The following DIP2C variants were observed in gnomAD, a reference collection of about 807,000 sequenced individuals.
DIP2C encodes disco-interacting protein 2 homolog C.
In DIP2C, 33 loss-of-function variants were observed where a neutral mutation model predicts 192.4. The observed-to-expected ratio is 0.17, with a 90% CI of 0.13 to 0.23. DIP2C has a LOEUF of 0.23. Ranked by LOEUF, DIP2C falls within the 10% of genes least tolerant of loss-of-function variation. DIP2C has a pLI of 1.00. For missense variants in DIP2C, 1,537 were observed against 2,110.1 expected (o/e 0.73, Z 5.32); for synonymous variants, 979 against 864.1 (o/e 1.13, Z -2.33).
chr10:579,118 G>A (rs549069200), intron 1 of DIP2C, among the ~76,000 whole-genome samples: 7 of 151,944 alleles, frequency 4.6e-5, no homozygotes, highest in African/African-American at 9.7e-5. Context: ...TAGGTACATA[G>A]GTACACTAAC....
intron 1 of DIP2C, among the ~76,000 whole-genome samples, chr10:610,153 A>C (rs771880037): frequency 3.3e-5 from 5 of 152,204 alleles, no homozygotes; most frequent in African/African-American, 1.2e-4. Flanking sequence ...CAGAGGAGAG[A>C]GCCCTGTCAT....
intron 11 of DIP2C, 53 bp from the exon 12 acceptor site, chr10:390,426 T>C: frequency 3.3e-6 from 5 of 1,538,236 alleles, no homozygotes; most frequent in Non-Finnish European, 4.5e-6. Flanking sequence ...AGTCGGTCTG[T>C]AGAATTTCTC....
chr10:568,784 A>AAAAAAACAAAC (rs1564208277), intron 1 of DIP2C, among the ~76,000 whole-genome samples: 5 of 145,518 alleles, frequency 3.4e-5, no homozygotes, highest in African/African-American at 1.0e-4. Context: ...AAAAAAAAAA[A>AAAAAAACAAAC]AAAAAAAAAA....
rs1411915536 is a variant in DIP2C at position 344,904 on chromosome 10, T to G, written c.3358A>C (p.Lys1120Gln). The G allele has an allele frequency of 6.2e-7, 1 of 1,607,316 alleles. No individual in the cohort carries two copies. Among genetic ancestry groups the G allele is most frequent in the East Asian group, 2.2e-5 (1 of 44,720 alleles). ...GGTTTGCAGATCTGGGCAGGCCGCT[T>G]CTTTGGCAAATCATCTGGAGAGGAA... ...LILDTDDLPK[K>Q]RPAQICKPCN... Residue 1120 changes from lysine (K) to glutamine (Q), a missense_variant, in exon 28 of 37, where the codon AAG becomes CAG. Physicochemically the swap from Lys to Gln is moderately conservative, Grantham distance 53. Around this residue, in one of 4 missense-constraint regions of DIP2C, gnomAD observed 46 missense variants for 28.9 expected, o/e 1.59. Coordinates refer to ENST00000280886, the MANE Select transcript of DIP2C (RefSeq NM_014974.3).
At chr10:388,840 C>T (rs1963205408) in intron 13 of DIP2C, among the ~76,000 whole-genome samples, 1 of 152,220 alleles carries the variant, frequency 6.6e-6, no homozygotes, top group Non-Finnish European at 1.5e-5. Context: ...GGGTGCACGC[C>T]GCAGCGGTGC....
intron 6 of DIP2C, among the ~76,000 whole-genome samples, chr10:417,667 AGGGCTCGG>A (rs1564684671): frequency 0.01 from 55 of 5,314 alleles, 2 homozygotes; most frequent in Admixed American, 0.046. Context: ...TGTTCCTGTC[AGGGCTCGG>A]ATAGGCCTCC....
At chr10:523,323 C>T (rs1203965410) in intron 1 of DIP2C, among the ~76,000 whole-genome samples, 6 of 150,448 alleles carry the variant, frequency 4.0e-5, no homozygotes, top group African/African-American at 9.9e-5. Context: ...CCCACACACT[C>T]GTTTCTACCG....
intron 8 of DIP2C, among the ~76,000 whole-genome samples, chr10:411,790 A>G (rs1197622756): frequency 6.6e-6 from 1 of 152,248 alleles, no homozygotes; most frequent in Admixed American, 6.5e-5. Flanking sequence ...TCATCGTAGC[A>G]ACACCCAGTC....
intron 14 of DIP2C, among the ~76,000 whole-genome samples, chr10:387,216 A>C (rs1485506831): frequency 6.6e-6 from 1 of 152,192 alleles, no homozygotes; most frequent in Non-Finnish European, 1.5e-5. Flanking sequence ...TGAGCCCTGG[A>C]AGGCTGTTTT....
At chr10:569,146 T>A (rs142534944) in intron 1 of DIP2C, among the ~76,000 whole-genome samples, 1 of 152,160 alleles carries the variant, frequency 6.6e-6, no homozygotes, top group South Asian at 2.1e-4. Context: ...ATTTTTACAC[T>A]TCAAAGTTTT....
Position 627,126 on chromosome 10 carries a change from G to A in DIP2C, c.85+62368C>T, listed in dbSNP as rs191060877. Among the ~76,000 whole-genome samples the A allele has an allele frequency of 1.7e-3, 260 of 152,330 alleles. 4 individuals carry two copies. Among genetic ancestry groups the A allele is most frequent in the Middle Eastern group, 3.4e-3 (1 of 294 alleles). Reference sequence around the variant, plus strand: ...TGGGGCTCAGAGATGGGTGGTCCCCGCACACGCAGTGGCTCTGTAACATCC... The same window carrying A: ...TGGGGCTCAGAGATGGGTGGTCCCCACACACGCAGTGGCTCTGTAACATCC... On this transcript the variant is annotated intron_variant, in intron 1 of 36. Transcript: ENST00000280886.
chr10:490,188 C>T (rs1334062350), intron 1 of DIP2C, among the ~76,000 whole-genome samples: 1 of 151,292 alleles, frequency 6.6e-6, no homozygotes, highest in African/African-American at 2.4e-5. Flanking sequence ...ACACCAGGGA[C>T]ACGGTGGCTC....
chr10:328,262 C>T lies in DIP2C; in HGVS notation c.3754-1086G>A, dbSNP rs993820385. On this transcript the variant is annotated intron_variant, in intron 30 of 36. Coordinates refer to ENST00000280886, the MANE Select transcript of DIP2C (RefSeq NM_014974.3). ...CAAATTACATATTCACACGCGCGCA[C>T]GTCTGAGAGGTAAAGCAGCATGCAG... is the stretch of plus-strand genomic sequence containing the variant. Among the ~76,000 whole-genome samples the T allele has an allele frequency of 4.6e-5, 7 of 152,156 alleles. No individual in the cohort carries two copies. In the South Asian group the frequency reaches 6.2e-4, roughly 13 times the overall value.
At chr10:508,762 C>T (rs961032646) in intron 1 of DIP2C, among the ~76,000 whole-genome samples, 9 of 152,160 alleles carry the variant, frequency 5.9e-5, no homozygotes, top group Non-Finnish European at 2.9e-5. Context: ...CACTTAAAGG[C>T]AACTGTACCG....
intron 1 of DIP2C, among the ~76,000 whole-genome samples, chr10:678,663 GTGCCCAGCTCCCCA>G (rs1564335075): frequency 0.021 from 230 of 10,912 alleles, 23 homozygotes; most frequent in Non-Finnish European, 0.036. Flanking sequence ...TGTCCTCCCT[GTGCCCAGCTCCCCA>G]CGCCCATGCT....
intron 1 of DIP2C, among the ~76,000 whole-genome samples, chr10:555,190 A>T (rs966250543): frequency 0.011 from 1,318 of 125,202 alleles, 5 homozygotes; most frequent in Non-Finnish European, 0.014. Flanking sequence ...CTTCAGTATT[A>T]TTTTTTTTTT....
chr10:635,972 C>T (rs1466652173), intron 1 of DIP2C, among the ~76,000 whole-genome samples: 1 of 152,190 alleles, frequency 6.6e-6, no homozygotes, highest in Non-Finnish European at 1.5e-5. Context: ...AAGCTCTGCA[C>T]CCAAGTGAAG....
In DIP2C at chr10:344,877, A is replaced by G; in HGVS notation, c.3385T>C (p.Cys1129Arg). 2.5e-6 allele frequency: 4 copies of G among 1,607,862 alleles called. No homozygotes were observed. The highest frequency in any genetic ancestry group is 3.4e-6 in the Non-Finnish European group (4 of 1,178,242). The change falls in exon 28 of 37, where the codon TGC (cysteine) becomes CGC (arginine). Residue 1129 changes from cysteine (C) to arginine (R), a missense_variant. Physicochemically the swap from Cys to Arg is radical, Grantham distance 180. Coordinates refer to ENST00000280886, the MANE Select transcript of DIP2C (RefSeq NM_014974.3). ...AGATATGCAAGAGTGTCTGGGTTGC[A>G]AGGTTTGCAGATCTGGGCAGGCCGC... ...KKRPAQICKP[C>R]NPDTLAYLDF... is the part of the protein sequence containing the mutation.
intron 1 of DIP2C, among the ~76,000 whole-genome samples, chr10:560,951 C>T (rs537801877): frequency 2.6e-5 from 4 of 152,210 alleles, no homozygotes; most frequent in South Asian, 2.1e-4. Flanking sequence ...GCCTTGGTCT[C>T]CACACAACCC....
Sources: gnomAD v4.1 joint callset for allele counts (sites outside exome capture counted in the v4.1 genomes callset) on GRCh38, gnomAD v4.1.1 for gene constraint, gnomAD v4.1.1 regional missense constraint, MANE v1.5 for transcripts, NCBI Gene and HGNC (gene_info 2026-07-23, HGNC 2026-07-21) for gene names.